MTUS1: variants seen among roughly 807,000 people sequenced by gnomAD.
MTUS1 encodes the protein microtubule-associated tumor suppressor 1.
Under a neutral mutation model 120.8 loss-of-function variants are expected in MTUS1, and 109 were observed. The observed-to-expected ratio is 0.90, with a 90% CI of 0.77 to 1.06. The LOEUF is 1.06. Among genes scored for constraint, MTUS1 ranks in the 50% least tolerant of loss-of-function variants. MTUS1 has a pLI of 0.00. For synonymous variants in MTUS1, 737 were observed against 550.5 expected (o/e 1.34, Z -4.74); for missense variants, 2,210 against 1,486.3 (o/e 1.49, Z -8.01).
At chr8:17,749,535 C>T (rs183982851) in intron 2 of MTUS1, among the ~76,000 whole-genome samples, 5 of 151,950 alleles carry the variant, frequency 3.3e-5, no homozygotes, top group Admixed American at 1.3e-4. Context: ...GTGGTCCTCA[C>T]CTGTAATCCC....
chr8:17,739,509 A>T lies in MTUS1; in HGVS notation c.2287+4095T>A, dbSNP rs191093112. Among the ~76,000 whole-genome samples, 174 of 152,142 alleles carry T rather than the reference A, an allele frequency of 1.1e-3. 2 individuals carry two copies. Among genetic ancestry groups the T allele is most frequent in the African/African-American group, 3.0e-3 (125 of 41,426 alleles). On this transcript the variant is annotated intron_variant, in intron 3 of 14. Transcript: ENST00000693296. ...AACTCCATCTCATAAATAAATAAAT[A>T]AATAAATTAATAAATCAAACAAACA...
chr8:17,653,527 C>T, intron 10 of MTUS1, 29 bp from the exon 11 acceptor site: 1 of 1,504,578 alleles, frequency 6.6e-7, no homozygotes, highest in Non-Finnish European at 9.2e-7. Context: ...ATTTTTGAGG[C>T]AATAACATTC....
At chr8:17,768,461 A>T (rs747700064) in intron 1 of MTUS1, among the ~76,000 whole-genome samples, 4 of 152,172 alleles carry the variant, frequency 2.6e-5, no homozygotes, top group Admixed American at 6.5e-5. Flanking sequence ...AAACACACAC[A>T]TTTAAGACTT....
chr8:17,758,933 G>C (rs2048828366), intron 1 of MTUS1, among the ~76,000 whole-genome samples: 1 of 152,328 alleles, frequency 6.6e-6, no homozygotes, highest in South Asian at 2.1e-4. Flanking sequence ...CCGGGCTGGA[G>C]TGCAGTGGCG....
At chr8:17,780,214 C>A (rs958020409) in intron 1 of MTUS1, among the ~76,000 whole-genome samples, 32 of 152,256 alleles carry the variant, frequency 2.1e-4, no homozygotes, top group African/African-American at 5.8e-4. Flanking sequence ...AGTGTGGTAC[C>A]TCCCCCGTCC....
intron 3 of MTUS1, among the ~76,000 whole-genome samples, chr8:17,726,840 C>G (rs954315113): frequency 6.6e-6 from 1 of 152,118 alleles, no homozygotes. Flanking sequence ...AGGTTGGGCA[C>G]GTAACAGATC....
intron 1 of MTUS1, among the ~76,000 whole-genome samples, chr8:17,800,264 T>C (rs2052574484): frequency 6.6e-6 from 1 of 152,156 alleles, no homozygotes; most frequent in South Asian, 2.1e-4. Flanking sequence ...CGCTGTGATT[T>C]AGTGATGATT....
intron 10 of MTUS1, 114 bp downstream of exon 10, chr8:17,654,447 T>C: frequency 1.3e-6 from 1 of 744,618 alleles, no homozygotes. Context: ...CACCCCAGCC[T>C]GAAGGCCACA....
chr8:17,786,679 G>T (rs1441450782), intron 1 of MTUS1, among the ~76,000 whole-genome samples: 2 of 152,184 alleles, frequency 1.3e-5, no homozygotes, highest in African/African-American at 4.8e-5. Flanking sequence ...CAATGTGAAT[G>T]TGTAAGTGTC....
At chr8:17,759,116 C>A (rs547128801) in intron 1 of MTUS1, among the ~76,000 whole-genome samples, 4 of 151,466 alleles carry the variant, frequency 2.6e-5, no homozygotes, top group Non-Finnish European at 4.4e-5. Flanking sequence ...CTCCTGACCT[C>A]GTGATCCGCC....
chr8:17,663,721 G>T (rs942976721), intron 8 of MTUS1, among the ~76,000 whole-genome samples: 1 of 151,610 alleles, frequency 6.6e-6, no homozygotes, highest in Non-Finnish European at 1.5e-5. Flanking sequence ...TCAGCCCCCT[G>T]AGTAGCTGGG....
At chr8:17,727,712 C>T (rs1469840382) in intron 3 of MTUS1, among the ~76,000 whole-genome samples, 1 of 152,198 alleles carries the variant, frequency 6.6e-6, no homozygotes. Flanking sequence ...TATTGTGTAA[C>T]TTATCCCAGA....
intron 1 of MTUS1, among the ~76,000 whole-genome samples, chr8:17,762,125 CA>C (rs1172707543): frequency 6.6e-6 from 1 of 151,978 alleles, no homozygotes; most frequent in African/African-American, 2.4e-5. Flanking sequence ...ACTAAAAATA[CA>C]AAAATTGCCA....
intron 1 of MTUS1, among the ~76,000 whole-genome samples, chr8:17,759,897 T>A (rs904449851): frequency 6.6e-6 from 1 of 151,576 alleles, no homozygotes; most frequent in African/African-American, 2.4e-5. Flanking sequence ...TACACTTGGG[T>A]TTATGATTTT....
At chr8:17,680,929 T>C (rs1814333255) in intron 7 of MTUS1, among the ~76,000 whole-genome samples, 1 of 151,272 alleles carries the variant, frequency 6.6e-6, no homozygotes, top group Non-Finnish European at 1.5e-5. Flanking sequence ...CTTCATTTAA[T>C]TTGCTTTTTT....
chr8:17,684,881 T>C (rs535691551), intron 6 of MTUS1, among the ~76,000 whole-genome samples: 3 of 152,274 alleles, frequency 2.0e-5, no homozygotes, highest in East Asian at 1.9e-4. Context: ...TAGAGAAACC[T>C]TGACTGAAGA....
At position 17,655,923 on chromosome 8, in the gene MTUS1, T is replaced by C. The variant is rs1461854112; in HGVS notation, c.3048A>G (p.Glu1016=). 1 of 1,614,212 alleles carries C rather than the reference T, an allele frequency of 6.2e-7. No individual in the cohort carries two copies. The highest frequency in any genetic ancestry group is 8.5e-7 in the Non-Finnish European group (1 of 1,180,042). The change falls in exon 9 of 15, where the codon GAA becomes GAG. Residue 1016 remains glutamate (E), a synonymous_variant. Transcript: ENST00000693296. The stretch of plus-strand genomic sequence containing the variant: ...CTTCAATGTAAGTGTCCCGAAGCTT[T>C]TCATACTCCCTGGTGTAAAACTCTT... ...RLKEFYTREY[E]KLRDTYIEEA... is the part of the protein sequence containing the mutation.
intron 1 of MTUS1, among the ~76,000 whole-genome samples, chr8:17,772,909 T>C (rs981318852): frequency 3.0e-4 from 45 of 152,180 alleles, no homozygotes; most frequent in Admixed American, 1.4e-3. Context: ...TTGAAGATTA[T>C]ATAACAAGAC....
rs555957665 is a variant in MTUS1, at chr8:17,772,985, A to G, written c.-154-17024T>C. On this transcript the variant is annotated intron_variant, in intron 1 of 14. Transcript: ENST00000693296. ...AGATACGTTCAGAAGAAAAACTACT[A>G]TGAACTAAATTATCCTTCCTTTCCA... Among the ~76,000 whole-genome samples the G allele has an allele frequency of 2.6e-5, 4 of 152,364 alleles. No individual in the cohort carries two copies. In the East Asian group the frequency reaches 7.7e-4, roughly 29 times the overall value.
Sources: allele counts gnomAD v4.1 joint callset (sites outside exome capture counted in the v4.1 genomes callset), GRCh38; gene constraint gnomAD v4.1.1; transcripts MANE v1.5; gene names NCBI Gene and HGNC (gene_info 2026-07-23, HGNC 2026-07-21).